GRIK2: variants seen among roughly 807,000 people sequenced by gnomAD.
GRIK2 encodes the protein glutamate receptor ionotropic, kainate 2.
A neutral mutation model predicts 100.3 loss-of-function variants in GRIK2; 32 were observed. The ratio of observed to expected loss-of-function variants is 0.32; its 90% CI spans 0.24 to 0.43. The LOEUF (loss-of-function observed/expected upper bound fraction) is 0.43. Among genes scored for constraint, GRIK2 ranks in the 20% least tolerant of loss-of-function variants. The probability of loss-of-function intolerance (pLI) is 1.00; values close to 1 mark genes in which losing one functional copy is unlikely to be tolerated. For missense variants in GRIK2, 843 were observed against 1,114.9 expected, an observed-to-expected ratio of 0.76 and a Z score of 3.47; for synonymous variants, 417 against 389.4, an observed-to-expected ratio of 1.07 and a Z score of -0.83.
chr6:101,731,361 T>A (rs1308254178), intron 7 of GRIK2, among the ~76,000 whole-genome samples: 1 of 152,008 alleles, frequency 6.6e-6, no homozygotes, highest in African/African-American at 2.4e-5. Context: ...AAATAATGTA[T>A]AAACAAAGCT....
chr6:101,898,871 T>A (rs7752038), intron 12 of GRIK2, among the ~76,000 whole-genome samples: 1 of 151,850 alleles, frequency 6.6e-6, no homozygotes, highest in African/African-American at 2.4e-5. Context: ...ATAAATCACA[T>A]CTTTCTTTAT....
chr6:101,780,008 A>T (rs1484815839), intron 7 of GRIK2, among the ~76,000 whole-genome samples: 1 of 152,096 alleles, frequency 6.6e-6, no homozygotes, highest in Non-Finnish European at 1.5e-5. Context: ...ATGACCACAG[A>T]TTTATCTAAC....
intron 4 of GRIK2, among the ~76,000 whole-genome samples, chr6:101,657,910 C>T (rs1428943464): frequency 6.6e-6 from 1 of 151,938 alleles, no homozygotes; most frequent in African/African-American, 2.4e-5. Flanking sequence ...AGAATTATCC[C>T]TGTTCTTCTT....
intron 10 of GRIK2, among the ~76,000 whole-genome samples, chr6:101,837,695 G>T (rs1242265094): frequency 6.6e-6 from 1 of 152,132 alleles, no homozygotes; most frequent in Non-Finnish European, 1.5e-5. Context: ...TCAGTTTTCT[G>T]CCAGGGTCAG....
At chr6:101,554,405 A>G (rs1210726122) in intron 2 of GRIK2, among the ~76,000 whole-genome samples, 1 of 152,224 alleles carries the variant, frequency 6.6e-6, no homozygotes, top group African/African-American at 2.4e-5. Flanking sequence ...AGAGCCAATT[A>G]AAATATTTAC....
chr6:101,586,892 CAA>C (rs1199378638), intron 2 of GRIK2, among the ~76,000 whole-genome samples: 2,322 of 53,784 alleles, frequency 0.043, 29 homozygotes, highest in African/African-American at 0.13. Flanking sequence ...TCTGTCTTAA[CAA>C]AAAAAAAAAA....
In GRIK2 at chr6:101,688,476, A is replaced by G. The variant is rs145557027; in HGVS notation, c.951+2123A>G. On this transcript the variant is annotated intron_variant, in intron 7 of 16. Transcript: ENST00000369134. ...GACAGATAAGTACAAAGAATGATGT[A>G]TTAATTTCCAAGGTAGAAGCTCTTG... Among the ~76,000 whole-genome samples the G allele has an allele frequency of 2.5e-3, 385 of 152,128 alleles. 6 individuals are homozygous for G. The highest frequency in any genetic ancestry group is 9.0e-3 in the African/African-American group (373 of 41,584).
At chr6:101,753,299 A>G (rs868601030) in intron 7 of GRIK2, among the ~76,000 whole-genome samples, 8 of 151,666 alleles carry the variant, frequency 5.3e-5, no homozygotes, top group South Asian at 4.2e-4. Context: ...AAAAAAAAAA[A>G]AAAGAAAATA....
intron 12 of GRIK2, among the ~76,000 whole-genome samples, chr6:101,907,501 G>T (rs908111748): frequency 1.3e-5 from 2 of 151,624 alleles, no homozygotes; most frequent in Non-Finnish European, 3.0e-5. Flanking sequence ...TCATAGAACT[G>T]GAGCCAGATT....
At chr6:101,742,695 A>G (rs1201405626) in intron 7 of GRIK2, among the ~76,000 whole-genome samples, 5 of 152,258 alleles carry the variant, frequency 3.3e-5, no homozygotes, top group African/African-American at 9.6e-5. Context: ...CCTGGGATCA[A>G]TAGAAATGAA....
chr6:101,703,856 G>T (rs1322968158), intron 7 of GRIK2, among the ~76,000 whole-genome samples: 2 of 151,590 alleles, frequency 1.3e-5, no homozygotes, highest in African/African-American at 2.4e-5. Context: ...AAGACAGAGT[G>T]TGGAAATTCA....
At chr6:101,925,014 G>T (rs1472876878) in intron 13 of GRIK2, among the ~76,000 whole-genome samples, 1 of 152,100 alleles carries the variant, frequency 6.6e-6, no homozygotes, top group East Asian at 1.9e-4. Context: ...TTAGCCAGAA[G>T]CTGCATTTAA....
In GRIK2 at chr6:101,743,774, G is replaced by A. The variant is rs183993294; in HGVS notation, c.952-55874G>A. The stretch of plus-strand genomic sequence containing the variant: ...TAAAAATTTCAGATACTTAAAGCAA[G>A]TGTTAGGTAGCCATTATATTTGCTT... On this transcript the variant is annotated intron_variant, in intron 7 of 16. Transcript: ENST00000369134. 1.6e-3 allele frequency among the ~76,000 whole-genome samples: 240 copies of A among 152,178 alleles called. 3 individuals are homozygous for A. The highest frequency in any genetic ancestry group is 5.3e-3 in the African/African-American group (222 of 41,522).
At chr6:102,062,013 T>G (rs1291598451) in intron 16 of GRIK2, among the ~76,000 whole-genome samples, 1 of 136,066 alleles carries the variant, frequency 7.3e-6, no homozygotes, top group Non-Finnish European at 1.7e-5. Flanking sequence ...TAAAGTTGTG[T>G]TGTCAGACCT....
At chr6:102,014,631 A>ATATC (rs1226392354) in intron 14 of GRIK2, among the ~76,000 whole-genome samples, 1 of 152,056 alleles carries the variant, frequency 6.6e-6, no homozygotes, top group African/African-American at 2.4e-5. Flanking sequence ...CTGGCATGTT[A>ATATC]TATCTTTGTT....
intron 2 of GRIK2, among the ~76,000 whole-genome samples, chr6:101,401,961 C>T (rs1562111687): frequency 6.6e-6 from 1 of 152,168 alleles, no homozygotes; most frequent in African/African-American, 2.4e-5. Context: ...CGCCAGGCGC[C>T]TCCGCCGCGG....
chr6:101,976,619 T>C (rs1793395438), intron 14 of GRIK2, among the ~76,000 whole-genome samples: 1 of 151,774 alleles, frequency 6.6e-6, no homozygotes, highest in Admixed American at 6.6e-5. Flanking sequence ...CCCAGGAGTT[T>C]GAGGCTGCAG....
intron 8 of GRIK2, 125 bp from the exon 9 acceptor site, chr6:101,802,206 A>G: frequency 2.4e-6 from 1 of 412,012 alleles, no homozygotes. Flanking sequence ...GAAAATTAAA[A>G]TATTTTAAAA....
At chr6:101,680,939 A>G (rs1055699180) in intron 5 of GRIK2, among the ~76,000 whole-genome samples, 1 of 152,266 alleles carries the variant, frequency 6.6e-6, no homozygotes, top group Admixed American at 6.5e-5. Flanking sequence ...TCCTGTGCTC[A>G]ATTCTTTGAT....
Sources: gnomAD v4.1 joint callset for allele counts (sites outside exome capture counted in the v4.1 genomes callset) on GRCh38, gnomAD v4.1.1 for gene constraint, MANE v1.5 for transcripts, NCBI Gene and HGNC (gene_info 2026-07-23, HGNC 2026-07-21) for gene names.